The following SLC25A21 variants were observed in gnomAD, a reference collection of about 807,000 sequenced individuals.
SLC25A21 encodes mitochondrial 2-oxodicarboxylate carrier.
SLC25A21 carries 47 observed loss-of-function variants against 43.8 expected under a neutral mutation model. The ratio of observed to expected loss-of-function variants is 1.07; its 90% CI spans 0.85 to 1.37. SLC25A21 has a LOEUF of 1.37. SLC25A21 is among the 40% of genes most tolerant of loss of function. SLC25A21 has a pLI of 0.00. For missense variants in SLC25A21, 352 were observed against 350.2 expected, an observed-to-expected ratio of 1.00 and a Z score of -0.04; for synonymous variants, 131 against 121.3, an observed-to-expected ratio of 1.08 and a Z score of -0.52.
intron 2 of SLC25A21, among the ~76,000 whole-genome samples, chr14:36,823,826 T>C (rs532238134): frequency 6.6e-6 from 1 of 152,224 alleles, no homozygotes; most frequent in Non-Finnish European, 1.5e-5. Flanking sequence ...AAGCTTTTCC[T>C]GTATTCACCA....
intron 1 of SLC25A21, among the ~76,000 whole-genome samples, chr14:36,996,285 A>C (rs903706828): frequency 6.6e-6 from 1 of 152,192 alleles, no homozygotes; most frequent in Non-Finnish European, 1.5e-5. Context: ...ACTTGATCAT[A>C]GTATCTAAGT....
chr14:36,788,035 C>T (rs1041039506), intron 3 of SLC25A21, among the ~76,000 whole-genome samples: 1 of 152,156 alleles, frequency 6.6e-6, no homozygotes, highest in African/African-American at 2.4e-5. Context: ...GCTCTCCGTA[C>T]TTTGCAAGGA....
At chr14:37,056,671 A>G (rs933824083) in intron 1 of SLC25A21, among the ~76,000 whole-genome samples, 1 of 152,084 alleles carries the variant, frequency 6.6e-6, no homozygotes, top group African/African-American at 2.4e-5. Context: ...TCCTCCTTAC[A>G]TTCTGGCCAC....
intron 1 of SLC25A21, among the ~76,000 whole-genome samples, chr14:36,955,611 G>C (rs991234987): frequency 1.3e-5 from 2 of 152,072 alleles, no homozygotes; most frequent in African/African-American, 4.8e-5. Context: ...AGGCACATTA[G>C]AGATGACAAA....
chr14:37,062,362 C>T (rs1187066495), intron 1 of SLC25A21, among the ~76,000 whole-genome samples: 1 of 152,144 alleles, frequency 6.6e-6, no homozygotes. Context: ...TCCTAAACTG[C>T]AGGCATCATG....
intron 3 of SLC25A21, among the ~76,000 whole-genome samples, chr14:36,779,138 T>G (rs1003934290): frequency 6.7e-5 from 10 of 149,270 alleles, no homozygotes; most frequent in African/African-American, 2.5e-4. Flanking sequence ...TTGTTGCAAA[T>G]GGTAGAATTT....
intron 4 of SLC25A21, among the ~76,000 whole-genome samples, chr14:36,734,162 C>T (rs1230060271): frequency 3.3e-5 from 5 of 152,148 alleles, no homozygotes; most frequent in African/African-American, 1.2e-4. Context: ...CCCTCCATCT[C>T]TCTTTCTTTA....
At chr14:37,032,667 T>A (rs1961241598) in intron 1 of SLC25A21, among the ~76,000 whole-genome samples, 1 of 45,824 alleles carries the variant, frequency 2.2e-5, no homozygotes, top group African/African-American at 5.2e-4. Flanking sequence ...TGAGACTCTG[T>A]CTCAAAAAAA....
chr14:36,816,815 T>C (rs566795183), intron 2 of SLC25A21, among the ~76,000 whole-genome samples: 1 of 152,274 alleles, frequency 6.6e-6, no homozygotes, highest in African/African-American at 2.4e-5. Flanking sequence ...ACAAATCACT[T>C]TGAAACATAC....
intron 7 of SLC25A21, among the ~76,000 whole-genome samples, chr14:36,707,400 G>C (rs1883619887): frequency 6.6e-6 from 1 of 152,100 alleles, no homozygotes; most frequent in East Asian, 1.9e-4. Context: ...AATAAATATG[G>C]GTTCAATGAT....
intron 3 of SLC25A21, among the ~76,000 whole-genome samples, chr14:36,805,775 G>C (rs930936874): frequency 2.0e-5 from 3 of 152,064 alleles, no homozygotes; most frequent in Admixed American, 2.0e-4. Context: ...TAATGTTTCT[G>C]TAAAAAGAGA....
chr14:36,851,879 C>CA (rs1484292684), intron 2 of SLC25A21, among the ~76,000 whole-genome samples: 2 of 152,054 alleles, frequency 1.3e-5, no homozygotes, highest in African/African-American at 2.4e-5. Flanking sequence ...TGAACACATT[C>CA]AAAAAAGTCT....
At chr14:37,051,266 G>C (rs1961700163) in intron 1 of SLC25A21, among the ~76,000 whole-genome samples, 1 of 152,172 alleles carries the variant, frequency 6.6e-6, no homozygotes, top group South Asian at 2.1e-4. Context: ...AAGAATACCT[G>C]AGGGAGAAGG....
At chr14:36,814,708 T>C (rs1194493276) in intron 2 of SLC25A21, among the ~76,000 whole-genome samples, 1 of 152,218 alleles carries the variant, frequency 6.6e-6, no homozygotes, top group African/African-American at 2.4e-5. Context: ...GGAACGCTTT[T>C]ACACTGTTGG....
At chr14:37,121,098 A>T (rs780072439) in intron 1 of SLC25A21, among the ~76,000 whole-genome samples, 2 of 152,216 alleles carry the variant, frequency 1.3e-5, no homozygotes, top group Non-Finnish European at 2.9e-5. Flanking sequence ...ACTGAAAGTG[A>T]TCATGTACCC....
At chr14:37,107,971 C>T (rs1421555042) in intron 1 of SLC25A21, among the ~76,000 whole-genome samples, 1 of 152,118 alleles carries the variant, frequency 6.6e-6, no homozygotes, top group Non-Finnish European at 1.5e-5. Flanking sequence ...ACTGGCATTC[C>T]TAATAGTGTC....
intron 7 of SLC25A21, among the ~76,000 whole-genome samples, chr14:36,687,686 G>A (rs956096556): frequency 1.3e-5 from 2 of 152,104 alleles, no homozygotes; most frequent in South Asian, 2.1e-4. Context: ...GTCTCAGCTC[G>A]CCTCTGCTTT....
chr14:36,998,935 TCTCA>T (rs1322124126), intron 1 of SLC25A21, among the ~76,000 whole-genome samples: 8 of 152,170 alleles, frequency 5.3e-5, no homozygotes, highest in Middle Eastern at 3.4e-3. Flanking sequence ...CAACAGGAAT[TCTCA>T]CTCACTCATT....
chr14:36,787,654 G>A (rs848117), intron 3 of SLC25A21, among the ~76,000 whole-genome samples: 16,747 of 152,108 alleles, frequency 0.11, 1,013 homozygotes, highest in East Asian at 0.14. Flanking sequence ...TACAAATGTT[G>A]TGTACAAAAT....
Sources: allele counts gnomAD v4.1 joint callset (sites outside exome capture counted in the v4.1 genomes callset), GRCh38; gene constraint gnomAD v4.1.1; transcripts MANE v1.5; gene names NCBI Gene and HGNC (gene_info 2026-07-23, HGNC 2026-07-21).